CDKL5: variants seen among roughly 807,000 people sequenced by gnomAD.
The protein encoded by CDKL5 is cyclin-dependent kinase-like 5.
In CDKL5, 8 loss-of-function variants were observed where a neutral mutation model predicts 61.7. The observed-to-expected ratio is 0.13, with a 90% confidence interval of 0.08 to 0.23. The LOEUF (loss-of-function observed/expected upper bound fraction) is 0.23. CDKL5 is among the 10% of genes least tolerant of loss of function. CDKL5 has a pLI of 1.00. For missense variants in CDKL5, 440 were observed against 734.5 expected (o/e 0.60, Z 4.63); for synonymous variants, 275 against 272.3 (o/e 1.01, Z -0.10).
chrX:18,498,243 A>G (rs1347337239), intron 1 of CDKL5, among the ~76,000 whole-genome samples: 2 of 111,988 alleles, frequency 1.8e-5, no homozygotes, highest in Non-Finnish European at 3.8e-5. Flanking sequence ...GTACATACTT[A>G]ATATAGTTTA....
rs142079769 is a variant in CDKL5, at chrX:18,613,219, A to G, written c.2220A>G (p.Pro740=). Residue 740 remains proline (P), a synonymous_variant, in exon 15 of 18, where the codon CCA becomes CCG. Coordinates refer to ENST00000623535, the MANE Select transcript of CDKL5 (RefSeq NM_001323289.2). Reference sequence around the variant, plus strand: ...TGTCAACTAGAGTTTCTTCTCTACCATCAGAGAGCAGTTCTGGAACCAACC... The same window carrying G: ...TGTCAACTAGAGTTTCTTCTCTACCGTCAGAGAGCAGTTCTGGAACCAACC... ...NNVSTRVSSL[P]SESSSGTNHS... is the part of the protein sequence containing the mutation. The G allele has an allele frequency of 4.2e-6, 5 of 1,199,487 alleles. No individual in the cohort carries two copies. The Admixed American group carries it at 8.8e-5, about 21-fold the overall frequency.
intron 3 of CDKL5, among the ~76,000 whole-genome samples, chrX:18,529,433 G>T (rs1227230256): frequency 9.0e-6 from 1 of 110,638 alleles, no homozygotes; most frequent in Non-Finnish European, 1.9e-5. Context: ...AGGAAAAATA[G>T]ATTTTATCTT....
chrX:18,460,146 G>A (rs959892600), intron 1 of CDKL5, among the ~76,000 whole-genome samples: 36 of 110,775 alleles, frequency 3.2e-4, no homozygotes, highest in Non-Finnish European at 5.3e-4. Context: ...TGATCCGCCC[G>A]CCTCGGCCTT....
intron 10 of CDKL5, among the ~76,000 whole-genome samples, chrX:18,597,591 ATTTTTTTTTTTTTT>A (rs58993237): frequency 1.4e-5 from 1 of 72,820 alleles, no homozygotes; most frequent in Non-Finnish European, 2.5e-5. Context: ...CTACAGAATG[ATTTTTTTTTTTTTT>A]TTTTTTTTTT....
intron 12 of CDKL5, 140 bp downstream of exon 12, chrX:18,605,008 C>T: frequency 1.4e-6 from 1 of 723,563 alleles, no homozygotes; most frequent in Admixed American, 2.4e-5. Flanking sequence ...GGAAGCAATA[C>T]TTGGCCTAAT....
chrX:18,464,988 TG>T (rs1249739640), intron 1 of CDKL5, among the ~76,000 whole-genome samples: 1 of 112,146 alleles, frequency 8.9e-6, no homozygotes, highest in Admixed American at 9.5e-5. Flanking sequence ...TCCTTTATGG[TG>T]GGTGCTTGCT....
intron 1 of CDKL5, among the ~76,000 whole-genome samples, chrX:18,488,818 C>G (rs978139315): frequency 5.4e-5 from 6 of 111,610 alleles, no homozygotes; most frequent in Non-Finnish European, 1.1e-4. Context: ...CTCATTATAC[C>G]TTTGTCCCTT....
In CDKL5 at chrX:18,639,691, T is replaced by C. The variant is rs1413386557; in HGVS notation, c.*10934T>C. Among the ~76,000 whole-genome samples, 3 of 112,316 alleles carry C rather than the reference T, an allele frequency of 2.7e-5. No homozygotes were observed. Among genetic ancestry groups the C allele is most frequent in the Admixed American group, 9.4e-5 (1 of 10,617 alleles). On this transcript the variant is annotated 3_prime_UTR_variant, in exon 18 of 18. Coordinates refer to ENST00000623535, the MANE Select transcript of CDKL5 (RefSeq NM_001323289.2). ...AAACACACATCCGCACAAAAACTTA[T>C]ACACAAATGTTCATAGCAGCATTAT...
intron 3 of CDKL5, among the ~76,000 whole-genome samples, chrX:18,539,653 T>A (rs1001884098): frequency 6.3e-5 from 7 of 111,996 alleles, no homozygotes; most frequent in Middle Eastern, 4.7e-3. Flanking sequence ...GAATATTTTA[T>A]GGGCTCTTGA....
chrX:18,644,547 C>G, downstream of CDKL5: 1 of 1,211,543 alleles, frequency 8.3e-7, no homozygotes, highest in Non-Finnish European at 1.1e-6. Context: ...GGGTGAGGAT[C>G]CCTGAAATCA....
intron 1 of CDKL5, among the ~76,000 whole-genome samples, chrX:18,481,334 TTCTTTC>T (rs2147073208): frequency 1.1e-5 from 1 of 92,735 alleles, no homozygotes; most frequent in African/African-American, 4.4e-5. Flanking sequence ...CTTTCTTTCT[TTCTTTC>T]TTTCTTTCTT....
At chrX:18,624,094 T>G in intron 16 of CDKL5, 1 of 388,759 alleles carries the variant, frequency 2.6e-6, no homozygotes, top group Non-Finnish European at 3.3e-6. Flanking sequence ...TGAGGTCATA[T>G]TCTCTTTATG....
intron 3 of CDKL5, among the ~76,000 whole-genome samples, chrX:18,516,678 G>C (rs756731067): frequency 9.0e-6 from 1 of 110,614 alleles, no homozygotes; most frequent in East Asian, 2.9e-4. Context: ...CTGGCCACTT[G>C]TGTTGTCTTT....
downstream of CDKL5, chrX:18,642,248 T>C: frequency 1.0e-6 from 1 of 974,577 alleles, no homozygotes; most frequent in Non-Finnish European, 1.5e-6. Flanking sequence ...CTTTTAACTA[T>C]AGAAATGATT....
At chrX:18,505,660 G>A (rs1922553021) in intron 1 of CDKL5, among the ~76,000 whole-genome samples, 1 of 112,181 alleles carries the variant, frequency 8.9e-6, no homozygotes, top group Non-Finnish European at 1.9e-5. Flanking sequence ...TTTCTGGCAG[G>A]AATGCCACAG....
rs952477517 is a variant in CDKL5, at chrX:18,632,642, G to A, written c.*3885G>A. 9.3e-6 allele frequency: 7 copies of A among 754,381 alleles called. No homozygotes were observed. Among genetic ancestry groups the A allele is most frequent in the South Asian group, 6.7e-5 (1 of 14,882 alleles). The allele number at this position is 754,381 out of a possible 1,213,427, so 62.2% of individuals were successfully genotyped here. A position where few individuals can be genotyped will look rare whatever the true frequency, so the allele number is the denominator to read the frequency against. On this transcript the variant is annotated 3_prime_UTR_variant, in exon 18 of 18. Transcript: ENST00000623535. ...AAATCTGTTTTAAAACATGCTTTAA[G>A]ATTCACCTTACGCAGTTGTACTTTA...
chrX:18,592,791 C>T (rs1322957523), intron 9 of CDKL5, among the ~76,000 whole-genome samples: 1 of 112,201 alleles, frequency 8.9e-6, no homozygotes, highest in Non-Finnish European at 1.9e-5. Flanking sequence ...ATCTGCTGTG[C>T]ACCATGGACT....
exon 21 of CDKL5, chrX:18,650,483 A>C (rs765535216): frequency 8.3e-7 from 1 of 1,210,153 alleles, no homozygotes; most frequent in Non-Finnish European, 1.1e-6. Flanking sequence ...TTCATCGTCC[A>C]ATCTCCAGTC....
At chrX:18,494,506 G>A (rs1243728996) in intron 1 of CDKL5, among the ~76,000 whole-genome samples, 3 of 112,024 alleles carry the variant, frequency 2.7e-5, no homozygotes, top group Non-Finnish European at 5.6e-5. Context: ...TGATCCACCC[G>A]CCTTGGCCTC....
Sources: allele counts gnomAD v4.1 joint callset (sites outside exome capture counted in the v4.1 genomes callset), GRCh38; gene constraint gnomAD v4.1.1; transcripts MANE v1.5; gene names NCBI Gene and HGNC (gene_info 2026-07-23, HGNC 2026-07-21).